EPB41: variants seen among roughly 807,000 people sequenced by gnomAD.
EPB41 encodes the protein erythrocyte membrane protein band 4.1, also known as protein 4.1.
EPB41 carries 65 observed loss-of-function variants against 108.0 expected under a neutral mutation model. The ratio of observed to expected loss-of-function variants is 0.60; its 90% CI spans 0.49 to 0.74. The LOEUF is 0.74. Ranked by LOEUF, EPB41 falls within the 30% of genes least tolerant of loss-of-function variation. The pLI, the probability that EPB41 is intolerant of heterozygous loss-of-function variation, is 0.00. For synonymous variants in EPB41, 336 were observed against 358.9 expected (o/e 0.94, Z 0.72); for missense variants, 875 against 1,037.0 (o/e 0.84, Z 2.15).
At chr1:29,037,666 A>G (rs1439418486) in intron 10 of EPB41, among the ~76,000 whole-genome samples, 9 of 151,208 alleles carry the variant, frequency 6.0e-5, no homozygotes, top group Admixed American at 5.9e-4. Flanking sequence ...CCTCCCAAGT[A>G]GCTGGGACTA....
chr1:29,009,573 G>A (rs2096465379), intron 4 of EPB41, among the ~76,000 whole-genome samples: 1 of 152,156 alleles, frequency 6.6e-6, no homozygotes, highest in African/African-American at 2.4e-5. Flanking sequence ...GTGGTAAAAA[G>A]TGGTAGTAGT....
At chr1:28,923,504 TGCC>T (rs2093263308) in intron 1 of EPB41, among the ~76,000 whole-genome samples, 2 of 152,218 alleles carry the variant, frequency 1.3e-5, no homozygotes, top group Non-Finnish European at 2.9e-5. Context: ...TTTTATTAAG[TGCC>T]ATTCCGTCTC....
At chr1:29,112,861 AG>A (rs138468407) in intron 19 of EPB41, among the ~76,000 whole-genome samples, 1,580 of 152,298 alleles carry the variant, frequency 0.01, 31 homozygotes, top group African/African-American at 0.036. Context: ...GTTATTCCGA[AG>A]GTAAAGGTAC....
At chr1:28,895,166 C>T (rs2090536497) in intron 1 of EPB41, among the ~76,000 whole-genome samples, 1 of 152,180 alleles carries the variant, frequency 6.6e-6, no homozygotes, top group African/African-American at 2.4e-5. Context: ...ATCCATAATG[C>T]TATTTGGCTC....
chr1:29,077,902 A>G (rs1654756815), intron 16 of EPB41, among the ~76,000 whole-genome samples: 1 of 152,194 alleles, frequency 6.6e-6, no homozygotes, highest in Non-Finnish European at 1.5e-5. Context: ...TAAAATGTAA[A>G]TACCATTCTT....
rs540251586 is a variant in EPB41, at chr1:28,892,698, TCAAA to T, written c.-8+5501_-8+5504del. 3.6e-3 allele frequency among the ~76,000 whole-genome samples: 541 copies of T among 150,582 alleles called. 6 individuals carry two copies. The highest frequency in any genetic ancestry group is 3.5e-3 in the Non-Finnish European group (240 of 67,740). ...TGGGCAACAAGAGGGAAACTCTGTCTCAAACAAACAAACAAATAAACAAAACAAA... is the reference window on the plus strand; with the variant it reads ...TGGGCAACAAGAGGGAAACTCTGTCTCAAACAAACAAATAAACAAAACAAA... On this transcript the variant is annotated intron_variant, in intron 1 of 16. Coordinates refer to the EPB41 transcript ENST00000347529.
At chr1:28,936,019 A>G (rs1455449304) in intron 1 of EPB41, among the ~76,000 whole-genome samples, 3 of 151,982 alleles carry the variant, frequency 2.0e-5, no homozygotes, top group African/African-American at 7.2e-5. Context: ...CTCATTATTA[A>G]AAGTTTGTCT....
intron 2 of EPB41, among the ~76,000 whole-genome samples, chr1:28,990,229 C>G (rs920136752): frequency 2.9e-5 from 4 of 136,208 alleles, no homozygotes; most frequent in African/African-American, 1.2e-4. Context: ...GAGATTCCAT[C>G]TCAAAAAAAA....
At chr1:28,977,394 C>CTT (rs58214592) in intron 1 of EPB41, among the ~76,000 whole-genome samples, 348 of 135,828 alleles carry the variant, frequency 2.6e-3, no homozygotes, top group African/African-American at 8.5e-3. Context: ...GTATGTTTTT[C>CTT]TTTTTTTTTT....
chr1:28,937,433 C>T (rs543454312), intron 1 of EPB41, among the ~76,000 whole-genome samples: 50 of 152,204 alleles, frequency 3.3e-4, no homozygotes, highest in African/African-American at 1.2e-3. Flanking sequence ...TCGCTCTTGT[C>T]GCCCAGGCTG....
chr1:29,045,890 C>T (rs1643039845), intron 11 of EPB41, among the ~76,000 whole-genome samples: 1 of 150,686 alleles, frequency 6.6e-6, no homozygotes, highest in African/African-American at 2.4e-5. Context: ...GCAGGAGGAT[C>T]ACTTCAGCCT....
intron 3 of EPB41, 125 bp from the exon 4 acceptor site, chr1:28,997,090 T>C: frequency 1.3e-6 from 1 of 742,624 alleles, no homozygotes; most frequent in Non-Finnish European, 2.4e-6. Context: ...AGGTTGAGGC[T>C]GCAGTGAGCT....
chr1:29,066,609 T>C (rs998905940), intron 16 of EPB41, among the ~76,000 whole-genome samples: 7 of 152,168 alleles, frequency 4.6e-5, no homozygotes, highest in South Asian at 4.1e-4. Context: ...TGCTTGTTTT[T>C]CCCCCAAAAC....
intron 5 of EPB41, among the ~76,000 whole-genome samples, chr1:29,012,953 T>C (rs1166211158): frequency 6.6e-6 from 1 of 152,180 alleles, no homozygotes; most frequent in Non-Finnish European, 1.5e-5. Context: ...GAAAATACTT[T>C]TAATATGAAA....
At chr1:29,033,048 G>T (rs746258143) in intron 8 of EPB41, 45 bp from the exon 9 acceptor site, 11 of 1,586,068 alleles carry the variant, frequency 6.9e-6, no homozygotes, top group Non-Finnish European at 9.5e-6. Flanking sequence ...ACAGTGTATT[G>T]AGTACTTTGC....
intron 15 of EPB41, among the ~76,000 whole-genome samples, chr1:29,062,698 C>A (rs1646760296): frequency 6.6e-6 from 1 of 151,592 alleles, no homozygotes; most frequent in African/African-American, 2.4e-5. Flanking sequence ...CCTACCCCGC[C>A]CCCACTAATG....
intron 4 of EPB41, among the ~76,000 whole-genome samples, chr1:28,999,091 C>T (rs895961392): frequency 1.3e-5 from 2 of 152,030 alleles, no homozygotes; most frequent in Non-Finnish European, 2.9e-5. Flanking sequence ...CATGAATTGG[C>T]GGGGTGTGGT....
Position 28,950,535 on chromosome 1 carries a change from T to C in EPB41, c.-8+35767T>C, listed in dbSNP as rs115951109. On this transcript the variant is annotated intron_variant, in intron 1 of 20. Transcript: ENST00000343067. The stretch of plus-strand genomic sequence containing the variant: ...AAAAACTGTCTTGGTCCCAGTCTCC[T>C]AAATTTATGCTCTGCCAACCTTAAC... Among the ~76,000 whole-genome samples the C allele has an allele frequency of 6.2e-3, 941 of 152,376 alleles. 5 individuals are homozygous for C. The highest frequency in any genetic ancestry group is 7.3e-3 in the Non-Finnish European group (499 of 68,044).
At chr1:29,036,960 G>T (rs1639726188) in intron 10 of EPB41, among the ~76,000 whole-genome samples, 1 of 151,968 alleles carries the variant, frequency 6.6e-6, no homozygotes. Flanking sequence ...GATTACAGGT[G>T]TGAGCCACCG....
Sources: gnomAD v4.1 joint callset for allele counts (sites outside exome capture counted in the v4.1 genomes callset) on GRCh38, gnomAD v4.1.1 for gene constraint, MANE v1.5 for transcripts, NCBI Gene and HGNC (gene_info 2026-07-23, HGNC 2026-07-21) for gene names.